The following PHF2 variants were observed in gnomAD, a reference collection of about 807,000 sequenced individuals.
The protein encoded by PHF2 is lysine-specific demethylase PHF2.
PHF2 carries 27 observed loss-of-function variants against 120.5 expected under a neutral mutation model. The observed-to-expected ratio is 0.22, with a 90% CI of 0.17 to 0.31. The LOEUF is 0.31. Ranked by LOEUF, PHF2 falls within the 10% of genes least tolerant of loss-of-function variation. The probability of loss-of-function intolerance (pLI) is 1.00; values close to 1 mark genes in which losing one functional copy is unlikely to be tolerated. For synonymous variants in PHF2, 568 were observed against 592.5 expected, an observed-to-expected ratio of 0.96 and a Z score of 0.60; for missense variants, 1,024 against 1,434.8, an observed-to-expected ratio of 0.71 and a Z score of 4.63.
chr9:93,653,724 GA>G (rs1293895668), intron 6 of PHF2, among the ~76,000 whole-genome samples: 1 of 152,238 alleles, frequency 6.6e-6, no homozygotes. Context: ...GGGGGCAGGA[GA>G]GGGGCATCTG....
intron 5 of PHF2, 67 bp from the exon 6 acceptor site, chr9:93,653,112 T>C: frequency 1.4e-6 from 2 of 1,465,532 alleles, no homozygotes; most frequent in Non-Finnish European, 1.9e-6. Context: ...AGAACATGTT[T>C]CCCACTGCAG....
At chr9:93,582,501 C>G (rs1183994674) in intron 1 of PHF2, among the ~76,000 whole-genome samples, 2 of 152,210 alleles carry the variant, frequency 1.3e-5, no homozygotes, top group African/African-American at 4.8e-5. Flanking sequence ...CTCTCCTTCT[C>G]TGTCCCCTAA....
At chr9:93,657,602 G>A (rs1826483465) in intron 9 of PHF2, among the ~76,000 whole-genome samples, 1 of 152,218 alleles carries the variant, frequency 6.6e-6, no homozygotes, top group Non-Finnish European at 1.5e-5. Context: ...CCCCAGGACT[G>A]AGAGGACCCA....
At chr9:93,609,460 G>A (rs1361562337) in intron 1 of PHF2, among the ~76,000 whole-genome samples, 3 of 151,774 alleles carry the variant, frequency 2.0e-5, no homozygotes, top group Non-Finnish European at 4.4e-5. Flanking sequence ...AGATTTACTG[G>A]TGACAAATTT....
rs776622276 is a variant in PHF2, at chr9:93,654,624, C to T, written c.952+49C>T. ...CCATGTACTAGGGCTTGCCGGCCCT[C>T]ATCAAGCTTACTGCCCTGTCCCTTG... On this transcript the variant is annotated intron_variant, in intron 7 of 21. Transcript: ENST00000359246. 16 of 1,571,784 alleles carry T rather than the reference C, an allele frequency of 1.0e-5. No individual in the cohort carries two copies. The Admixed American group carries it at 1.8e-4, about 18-fold the overall frequency.
chr9:93,642,963 C>T (rs1454343471), intron 3 of PHF2, among the ~76,000 whole-genome samples: 1 of 152,034 alleles, frequency 6.6e-6, no homozygotes, highest in Non-Finnish European at 1.5e-5. Flanking sequence ...TTTTTTAATA[C>T]ATCCCTGTGC....
chr9:93,660,681 A>T, intron 12 of PHF2, 121 bp downstream of exon 12: 1 of 937,304 alleles, frequency 1.1e-6, no homozygotes, highest in Non-Finnish European at 1.5e-6. Flanking sequence ...GCCCCTGAGA[A>T]GATGTGGGGG....
At chr9:93,627,393 A>G (rs989032029) in intron 1 of PHF2, among the ~76,000 whole-genome samples, 1 of 151,200 alleles carries the variant, frequency 6.6e-6, no homozygotes, top group African/African-American at 2.4e-5. Context: ...TTTTCTGTGT[A>G]TGGATTCCTT....
chr9:93,679,575 G>T lies in PHF2; in HGVS notation c.*1899G>T. On this transcript the variant is annotated 3_prime_UTR_variant, in exon 22 of 22. Transcript: ENST00000359246. ...TTTTAAAAAAGTAAAAATATTTCAGGTTTTGTACAGAACCATGTCTGTGTC... is the reference window on the plus strand; with the variant it reads ...TTTTAAAAAAGTAAAAATATTTCAGTTTTTGTACAGAACCATGTCTGTGTC... The T allele has an allele frequency of 4.3e-6, 1 of 233,312 alleles. No individual in the cohort carries two copies. Among genetic ancestry groups the T allele is most frequent in the Non-Finnish European group, 8.5e-6 (1 of 116,972 alleles). 14.5% of individuals were successfully genotyped at this position (233,312 alleles called of 1,614,324 possible).
intron 1 of PHF2, among the ~76,000 whole-genome samples, chr9:93,592,717 G>A (rs542540463): frequency 2.0e-5 from 3 of 152,228 alleles, no homozygotes; most frequent in South Asian, 4.2e-4. Context: ...CAGTTCATCC[G>A]GTGAGCCAGG....
chr9:93,656,781 G>T lies in PHF2; in HGVS notation c.1147+186G>T, dbSNP rs1023239994. On this transcript the variant is annotated intron_variant, in intron 9 of 21. Transcript: ENST00000359246. The surrounding 1 kb of genome is among the most constrained non-coding windows in gnomAD (Gnocchi z 4.1). ...TATAATGCAGGACTAGATTGAACAG[G>T]CTGGGCCTCTCCTTCCGATTGGACT... is the stretch of plus-strand genomic sequence containing the variant. 4.6e-5 allele frequency among the ~76,000 whole-genome samples: 7 copies of T among 152,166 alleles called. No homozygotes were observed. Among genetic ancestry groups the T allele is most frequent in the African/African-American group, 1.7e-4 (7 of 41,446 alleles).
intron 5 of PHF2, 30 bp downstream of exon 5, chr9:93,649,242 G>T (rs1444489827): frequency 1.3e-6 from 2 of 1,541,186 alleles, no homozygotes; most frequent in East Asian, 4.9e-5. Context: ...GGGTGTGGGG[G>T]CTGGGGTTGG....
chr9:93,666,015 G>A lies in PHF2; in HGVS notation c.2142G>A (p.Leu714=), dbSNP rs1826672767. ...TCTTGTTGGATAAGAAGGCTGTGCT[G>A]CCCACGCCTGTCACGAAGCCAAAGC... The part of the protein sequence containing the change: ...LSFLLDKKAV[L]PTPVTKPKLD... Residue 714 remains leucine, a synonymous_variant, in exon 16 of 22, where the codon CTG becomes CTA. Transcript: ENST00000359246. The A allele has an allele frequency of 6.2e-7, 1 of 1,613,366 alleles. No individual in the cohort carries two copies. Among genetic ancestry groups the A allele is most frequent in the East Asian group, 2.2e-5 (1 of 44,842 alleles).
intron 13 of PHF2, 149 bp from the exon 14 acceptor site, chr9:93,663,368 C>T (rs1257457701): frequency 1.5e-6 from 1 of 675,764 alleles, no homozygotes. Flanking sequence ...CCCCTGAGCA[C>T]CCCGCAGTGG....
At position 93,653,135 on chromosome 9, in the gene PHF2, A is replaced by C. The variant is rs1314585810; in HGVS notation, c.603-44A>C. The C allele has an allele frequency of 3.8e-6, 6 of 1,574,122 alleles. No individual in the cohort carries two copies. The Middle Eastern group carries it at 7.1e-4, about 186-fold the overall frequency. ...TTTCCCACTGCAGGGGAAATAAAAA[A>C]GGGAGTCCCAGGTTCCCTCACCACC... On this transcript the variant is annotated intron_variant, in intron 5 of 21. Coordinates refer to ENST00000359246, the MANE Select transcript of PHF2 (RefSeq NM_005392.4).
intron 3 of PHF2, among the ~76,000 whole-genome samples, chr9:93,640,263 C>A (rs1315566236): frequency 1.3e-5 from 2 of 152,108 alleles, no homozygotes; most frequent in Admixed American, 1.3e-4. Context: ...ATTATTAATT[C>A]AAATAAATAT....
intron 1 of PHF2, among the ~76,000 whole-genome samples, chr9:93,606,800 T>C (rs1482987956): frequency 6.6e-6 from 1 of 152,256 alleles, no homozygotes; most frequent in African/African-American, 2.4e-5. Context: ...GATTTTCTCC[T>C]GTTACCTTCT....
chr9:93,660,699 T>G, intron 12 of PHF2, 139 bp downstream of exon 12: 1 of 777,864 alleles, frequency 1.3e-6, no homozygotes, highest in South Asian at 2.2e-5. Context: ...GGGTCTGGGC[T>G]CTTGCTGTGG....
chr9:93,619,428 C>T (rs562022995), intron 1 of PHF2, among the ~76,000 whole-genome samples: 20 of 152,340 alleles, frequency 1.3e-4, no homozygotes, highest in African/African-American at 3.8e-4. Context: ...CTTGCCTGTA[C>T]GAGGCTGAGC....
Sources: gnomAD v4.1 joint callset for allele counts (sites outside exome capture counted in the v4.1 genomes callset) on GRCh38, gnomAD v4.1.1 for gene constraint, Gnocchi (gnomAD v3.1) non-coding constraint, MANE v1.5 for transcripts, NCBI Gene and HGNC (gene_info 2026-07-23, HGNC 2026-07-21) for gene names.